The following PTPRT variants were observed in gnomAD, a reference collection of about 807,000 sequenced individuals.
The protein encoded by PTPRT is protein tyrosine phosphatase receptor type T, also known as receptor-type tyrosine-protein phosphatase T.
PTPRT carries 56 observed loss-of-function variants against 176.8 expected under a neutral mutation model. The ratio of observed to expected loss-of-function variants is 0.32; its 90% CI spans 0.26 to 0.40. The LOEUF (loss-of-function observed/expected upper bound fraction) is 0.40, where lower values mean the gene tolerates loss of function less well. Among genes scored for constraint, PTPRT ranks in the 10% least tolerant of loss-of-function variants. PTPRT has a pLI of 1.00. For synonymous variants in PTPRT, 783 were observed against 739.0 expected, an observed-to-expected ratio of 1.06 and a Z score of -0.96; for missense variants, 1,540 against 1,908.2, an observed-to-expected ratio of 0.81 and a Z score of 3.60.
At position 42,596,828 on chromosome 20, in the gene PTPRT, A is replaced by C. The variant is rs185561394; in HGVS notation, c.1153+81038T>G. On this transcript the variant is annotated intron_variant, in intron 7 of 30. Coordinates refer to ENST00000373187, the MANE Select transcript of PTPRT (RefSeq NM_007050.6). ...AAAAATGTAAGAGGTTGGCAACAGC[A>C]GGTGTTGACAAAAATTCACAAAAAT... is the stretch of plus-strand genomic sequence containing the variant. Among the ~76,000 whole-genome samples, 7 of 152,338 alleles carry C rather than the reference A, an allele frequency of 4.6e-5. No homozygotes were observed. In the East Asian group the frequency reaches 1.3e-3, roughly 29 times the overall value.
At chr20:42,493,854 C>T in intron 7 of PTPRT, among the ~76,000 whole-genome samples, 1 of 151,842 alleles carries the variant, frequency 6.6e-6, no homozygotes, top group East Asian at 1.9e-4. Context: ...TCTCCCCAAG[C>T]TGCTCAACAC....
intron 7 of PTPRT, among the ~76,000 whole-genome samples, chr20:42,638,476 T>C (rs1331794659): frequency 1.3e-5 from 2 of 152,098 alleles, no homozygotes; most frequent in African/African-American, 4.8e-5. Flanking sequence ...ATAGAATATA[T>C]GACTCATATT....
At chr20:42,817,009 G>T (rs1422013366) in intron 2 of PTPRT, among the ~76,000 whole-genome samples, 3 of 152,190 alleles carry the variant, frequency 2.0e-5, no homozygotes, top group Non-Finnish European at 2.9e-5. Context: ...AGACCCTGAT[G>T]GTTCCTAGAA....
At chr20:42,385,982 AAAAT>A (rs1318457023) in intron 9 of PTPRT, among the ~76,000 whole-genome samples, 1 of 152,252 alleles carries the variant, frequency 6.6e-6, no homozygotes, top group Non-Finnish European at 1.5e-5. Context: ...CAATATAAAT[AAAAT>A]AAATAGATAC....
intron 7 of PTPRT, among the ~76,000 whole-genome samples, chr20:42,480,309 T>C (rs535868823): frequency 1.3e-5 from 2 of 152,298 alleles, no homozygotes; most frequent in South Asian, 2.1e-4. Flanking sequence ...CTAAATACAG[T>C]TGCACTCCCT....
chr20:42,661,589 T>C (rs954975170), intron 7 of PTPRT, among the ~76,000 whole-genome samples: 4 of 152,280 alleles, frequency 2.6e-5, no homozygotes, highest in South Asian at 2.1e-4. Context: ...AAGGGTTGGC[T>C]GGAAAAGTTA....
Position 42,286,008 on chromosome 20 carries a change from T to C in PTPRT, c.2140-3483A>G, listed in dbSNP as rs543989929. 2.4e-4 allele frequency among the ~76,000 whole-genome samples: 37 copies of C among 151,868 alleles called. 1 individual carries two copies. Among genetic ancestry groups the C allele is most frequent in the African/African-American group, 8.2e-4 (34 of 41,498 alleles). ...ATAATAACTACCAAAAGTAATAAAA[T>C]ACCTAGAAATCAATTTAACCAAGGA... On this transcript the variant is annotated intron_variant, in intron 12 of 30. Transcript: ENST00000373187.
At chr20:42,266,780 T>G in intron 13 of PTPRT, among the ~76,000 whole-genome samples, 1 of 152,110 alleles carries the variant, frequency 6.6e-6, no homozygotes, top group Admixed American at 6.6e-5. Flanking sequence ...ATTCACCAAC[T>G]AGGGACAAAG....
intron 15 of PTPRT, among the ~76,000 whole-genome samples, chr20:42,230,596 C>T (rs1260854016): frequency 6.6e-6 from 1 of 152,156 alleles, no homozygotes; most frequent in Admixed American, 6.6e-5. Flanking sequence ...TTATAAAATA[C>T]CTACTGTGTG....
At chr20:42,239,413 CTTTTTTTTTTT>C (rs35978863) in intron 14 of PTPRT, among the ~76,000 whole-genome samples, 3 of 81,224 alleles carry the variant, frequency 3.7e-5, no homozygotes, top group South Asian at 5.5e-4. Context: ...CATTTTCTTT[CTTTTTTTTTTT>C]TTTTTTTTTT....
chr20:42,104,647 A>G lies in PTPRT; in HGVS notation c.3462T>C (p.Cys1154=). The G allele has an allele frequency of 6.2e-7, 1 of 1,601,364 alleles. No homozygotes were observed. The highest frequency in any genetic ancestry group is 8.6e-7 in the Non-Finnish European group (1 of 1,168,360). Residue 1154 remains cysteine (C), a synonymous_variant, in exon 25 of 31, where the codon TGT becomes TGC. Coordinates refer to ENST00000373187, the MANE Select transcript of PTPRT (RefSeq NM_007050.6). Reference sequence around the variant, plus strand: ...TATTGTAGTAGAGAGAACGGAACTCACACACAGGGATGGCAGTGTTGCCAC... The same window carrying G: ...TATTGTAGTAGAGAGAACGGAACTCGCACACAGGGATGGCAGTGTTGCCAC... The part of the protein sequence containing the change: ...CLCGNTAIPV[C]EFRSLYYNIS...
At chr20:42,359,413 G>A (rs183940336) in intron 9 of PTPRT, among the ~76,000 whole-genome samples, 228 of 152,252 alleles carry the variant, frequency 1.5e-3, no homozygotes, top group Non-Finnish European at 2.6e-3. Context: ...AGAATGAGAC[G>A]GAGCCAACAC....
At chr20:42,224,566 C>T (rs2055961636) in intron 15 of PTPRT, among the ~76,000 whole-genome samples, 1 of 152,248 alleles carries the variant, frequency 6.6e-6, no homozygotes, top group Admixed American at 6.5e-5. Flanking sequence ...CTTCACGATG[C>T]TCTTTCAAAT....
chr20:42,176,998 C>G (rs943857500), intron 16 of PTPRT, among the ~76,000 whole-genome samples: 1 of 152,176 alleles, frequency 6.6e-6, no homozygotes, highest in Admixed American at 6.5e-5. Flanking sequence ...GGAAAGAACA[C>G]AGTTTGGGAG....
Position 42,199,414 on chromosome 20 carries a change from A to C in PTPRT, c.2343-26T>G. ...CTTTGGGACATGTGCAAGGGGAAAA[A>C]ACCACAGTCAGATGGTGCCAGTTGC... On this transcript the variant is annotated intron_variant, in intron 15 of 30. Transcript: ENST00000373187. 3.1e-6 allele frequency: 5 copies of C among 1,609,068 alleles called. No homozygotes were observed. The Middle Eastern group carries it at 6.6e-4, about 213-fold the overall frequency.
chr20:42,300,257 C>CAAAAA (rs761176814), intron 12 of PTPRT, among the ~76,000 whole-genome samples: 8 of 49,592 alleles, frequency 1.6e-4, no homozygotes, highest in African/African-American at 2.4e-4. Flanking sequence ...AACTCCGTCT[C>CAAAAA]AAAAAAAAAA....
intron 17 of PTPRT, among the ~76,000 whole-genome samples, chr20:42,144,432 C>T (rs1988771883): frequency 6.6e-6 from 1 of 152,038 alleles, no homozygotes; most frequent in African/African-American, 2.4e-5. Flanking sequence ...TGGACATGGA[C>T]ACCCAGAGCT....
At chr20:43,071,770 A>G (rs968207225) in intron 1 of PTPRT, among the ~76,000 whole-genome samples, 23 of 152,366 alleles carry the variant, frequency 1.5e-4, no homozygotes, top group South Asian at 4.1e-4. Flanking sequence ...GGGCAACAAG[A>G]GCAAAACTCC....
chr20:43,027,388 A>G (rs571631062), intron 1 of PTPRT, among the ~76,000 whole-genome samples: 2 of 151,756 alleles, frequency 1.3e-5, no homozygotes, highest in Non-Finnish European at 2.9e-5. Flanking sequence ...AGGCAGGAGA[A>G]TCGTTTGAAC....
Sources: gnomAD v4.1 joint callset for allele counts (sites outside exome capture counted in the v4.1 genomes callset) on GRCh38, gnomAD v4.1.1 for gene constraint, MANE v1.5 for transcripts, NCBI Gene and HGNC (gene_info 2026-07-23, HGNC 2026-07-21) for gene names.